The following NDEL1 variants were observed in gnomAD, a reference collection of about 807,000 sequenced individuals.
The protein encoded by NDEL1 is nuclear distribution protein nudE-like 1.
A neutral mutation model predicts 45.7 loss-of-function variants in NDEL1; 9 were observed. The ratio of observed to expected loss-of-function variants is 0.20; its 90% CI spans 0.12 to 0.34. The LOEUF is 0.34. Among genes scored for constraint, NDEL1 ranks in the 10% least tolerant of loss-of-function variants. The pLI is 1.00. For missense variants in NDEL1, 306 were observed against 406.2 expected (o/e 0.75, Z 2.12); for synonymous variants, 133 against 158.6 (o/e 0.84, Z 1.21).
At chr17:8,441,876 G>T (rs563822319) in intron 1 of NDEL1, among the ~76,000 whole-genome samples, 3 of 152,204 alleles carry the variant, frequency 2.0e-5, no homozygotes, top group Admixed American at 6.5e-5. Context: ...GTCTCAGGAA[G>T]TGTGTAGGAG....
chr17:8,461,738 GTCT>G (rs1449955026), intron 8 of NDEL1, among the ~76,000 whole-genome samples: 1 of 152,148 alleles, frequency 6.6e-6, no homozygotes, highest in Non-Finnish European at 1.5e-5. Context: ...TTTTAGGGTA[GTCT>G]TCATAAATGT....
At position 8,462,447 on chromosome 17, in the gene NDEL1, C is replaced by T. The variant is rs16957303; in HGVS notation, c.944+2287C>T. Among the ~76,000 whole-genome samples, 1,371 of 152,252 alleles carry T rather than the reference C, an allele frequency of 9.0e-3. 18 individuals carry two copies. The highest frequency in any genetic ancestry group is 0.031 in the African/African-American group (1,300 of 41,546). ...CTTTCTTGCCGCTTTGCTTCGATTC[C>T]GGCTTTTGGCCTGTCTGGCTTTTTA... On this transcript the variant is annotated intron_variant, in intron 8 of 8. Coordinates refer to ENST00000334527, the MANE Select transcript of NDEL1 (RefSeq NM_030808.5).
rs544308896 is a variant in NDEL1, at chr17:8,438,864, A to G, written c.-13+2819A>G. On this transcript the variant is annotated intron_variant, in intron 1 of 8. Coordinates refer to ENST00000334527, the MANE Select transcript of NDEL1 (RefSeq NM_030808.5). ...AAATCTGATGGGTAAAAGTAGGGCA[A>G]TAGAGCTGGATAATACCAGTTAGGA... Among the ~76,000 whole-genome samples, 289 of 151,992 alleles carry G rather than the reference A, an allele frequency of 1.9e-3. 1 individual carries two copies. The highest frequency in any genetic ancestry group is 6.7e-3 in the African/African-American group (278 of 41,434).
chr17:8,414,835 A>G (rs1326515074), intron 1 of NDEL1, among the ~76,000 whole-genome samples: 1 of 151,692 alleles, frequency 6.6e-6, no homozygotes, highest in African/African-American at 2.4e-5. Flanking sequence ...TAGTTTTTAG[A>G]TACATATCAC....
chr17:8,428,349 TGTGTGTG>T lies in NDEL1; in HGVS notation c.-13+15081_-13+15087del, dbSNP rs1567721202. ...GTGTGTGTGTGTGTGTGTGTGTGTGTGTGTGTGTGTGTATTTTTTTTTTTTTTTTTTC... is the reference window on the plus strand; with the variant it reads ...GTGTGTGTGTGTGTGTGTGTGTGTGTTGTGTATTTTTTTTTTTTTTTTTTC... On this transcript the variant is annotated intron_variant, in intron 1 of 4. Coordinates refer to the NDEL1 transcript ENST00000582812. Among the ~76,000 whole-genome samples, 2 of 135,130 alleles carry T rather than the reference TGTGTGTG, an allele frequency of 1.5e-5. 1 individual carries two copies. Among genetic ancestry groups the T allele is most frequent in the Non-Finnish European group, 3.2e-5 (2 of 62,572 alleles). The allele number at this position is 135,130 out of a possible 152,430, so 88.7% of individuals were successfully genotyped here. A position where few individuals can be genotyped will look rare whatever the true frequency, so the allele number is the denominator to read the frequency against.
chr17:8,445,976 C>A, intron 3 of NDEL1, 112 bp downstream of exon 3: 4 of 1,100,028 alleles, frequency 3.6e-6, no homozygotes, highest in Non-Finnish European at 4.9e-6. Flanking sequence ...TTGAAAAAAA[C>A]GCTTAAAGTG....
chr17:8,465,453 A>T lies in NDEL1; in HGVS notation c.945-1477A>T, dbSNP rs969608292. ...TTCTCCTGGGGCTCTTGGTCTCTGT[A>T]TGCGTGGTTGGAATTTAAACTCCAC... On this transcript the variant is annotated intron_variant, in intron 8 of 8. Coordinates refer to ENST00000334527, the MANE Select transcript of NDEL1 (RefSeq NM_030808.5). The surrounding 1 kb of genome is among the most constrained non-coding windows in gnomAD (Gnocchi z 4.9). 3.3e-5 allele frequency: 5 copies of T among 152,168 alleles called. No individual in the cohort carries two copies. Among genetic ancestry groups the T allele is most frequent in the African/African-American group, 9.7e-5 (4 of 41,418 alleles). The allele number at this position is 152,168 out of a possible 1,614,324, so 9.4% of individuals were successfully genotyped here.
chr17:8,446,311 C>T (rs1910074297), intron 3 of NDEL1, among the ~76,000 whole-genome samples: 1 of 152,148 alleles, frequency 6.6e-6, no homozygotes, highest in Non-Finnish European at 1.5e-5. Flanking sequence ...AAAGGATTCA[C>T]CCCTTTCTCT....
chr17:8,421,542 G>A (rs1908707791), intron 1 of NDEL1, among the ~76,000 whole-genome samples: 1 of 152,202 alleles, frequency 6.6e-6, no homozygotes, highest in African/African-American at 2.4e-5. Context: ...CTCTCTCCGA[G>A]CTTTCAGGAG....
At chr17:8,457,409 T>TCCC (rs1258579464) in intron 7 of NDEL1, among the ~76,000 whole-genome samples, 1,705 of 152,358 alleles carry the variant, frequency 0.011, 30 homozygotes, top group African/African-American at 0.039. Flanking sequence ...GAAAGTTTAA[T>TCCC]TTGGCATCCT....
At chr17:8,466,618 T>C (rs1367758000) in intron 8 of NDEL1, 2 of 311,112 alleles carry the variant, frequency 6.4e-6, no homozygotes, top group African/African-American at 2.2e-5. Flanking sequence ...CCATTATTTA[T>C]TTAACTAGTT....
chr17:8,415,800 T>C (rs1018329202), intron 1 of NDEL1, among the ~76,000 whole-genome samples: 3 of 151,920 alleles, frequency 2.0e-5, no homozygotes, highest in Admixed American at 6.6e-5. Flanking sequence ...CAGGCTGGAG[T>C]GTGATGGCGC....
At chr17:8,463,446 CAT>C (rs1195963942) in intron 8 of NDEL1, 107 of 1,263,618 alleles carry the variant, frequency 8.5e-5, no homozygotes, top group Non-Finnish European at 1.2e-4. Flanking sequence ...TTACTAACTG[CAT>C]GGGGCTGACT....
downstream of NDEL1, among the ~76,000 whole-genome samples, chr17:8,472,606 T>C (rs1239622885): frequency 6.6e-6 from 1 of 151,874 alleles, no homozygotes; most frequent in Non-Finnish European, 1.5e-5. Flanking sequence ...GAGGGTGAAG[T>C]GAGCTGAGAG....
chr17:8,460,075 A>G lies in NDEL1; in HGVS notation c.859A>G (p.Ile287Val), dbSNP rs760627489. Residue 287 changes from isoleucine (I) to valine (V), a missense_variant, in exon 8 of 9, where the codon ATT (isoleucine) becomes GTT (valine). Physicochemically the swap from Ile to Val is conservative, Grantham distance 29. This residue lies in a region of NDEL1 where 175 missense variants were observed against 205.2 expected (regional missense o/e 0.85). Coordinates refer to ENST00000334527, the MANE Select transcript of NDEL1 (RefSeq NM_030808.5). ...GGACCAAGCATCACGAAAATCCTATATTTCAGGGAATGTTAACTGTGGGGT... is the reference window on the plus strand; with the variant it reads ...GGACCAAGCATCACGAAAATCCTATGTTTCAGGGAATGTTAACTGTGGGGT... ...AKDQASRKSYISGNVNCGVLN... is the reference protein window; with the variant it reads ...AKDQASRKSYVSGNVNCGVLN... The G allele has an allele frequency of 1.6e-5, 26 of 1,614,046 alleles. No individual in the cohort carries two copies. Among genetic ancestry groups the G allele is most frequent in the Non-Finnish European group, 2.1e-5 (25 of 1,180,040 alleles).
At chr17:8,428,036 G>A (rs1908883292) in intron 1 of NDEL1, among the ~76,000 whole-genome samples, 2 of 152,136 alleles carry the variant, frequency 1.3e-5, no homozygotes, top group Non-Finnish European at 2.9e-5. Context: ...TTTCACTCAG[G>A]GAGCAGCCCT....
At chr17:8,425,111 T>C (rs148288530) in intron 1 of NDEL1, among the ~76,000 whole-genome samples, 1 of 152,384 alleles carries the variant, frequency 6.6e-6, no homozygotes, top group East Asian at 1.9e-4. Flanking sequence ...GAATCTCTTA[T>C]ACCTGTTGGA....
chr17:8,437,672 A>G (rs1909439189), intron 1 of NDEL1, among the ~76,000 whole-genome samples: 1 of 152,242 alleles, frequency 6.6e-6, no homozygotes, highest in Non-Finnish European at 1.5e-5. Context: ...TATTGCCAAC[A>G]GTGAGTTCTG....
chr17:8,463,798 A>G lies in NDEL1; in HGVS notation c.945-3132A>G, dbSNP rs560455428. On this transcript the variant is annotated intron_variant, in intron 8 of 8. Coordinates refer to ENST00000334527, the MANE Select transcript of NDEL1 (RefSeq NM_030808.5). ...CCCTCACCTCTGCGCTCACGCATGG[A>G]GTCCCCAGTTAAAATGGAATGGTAC... 1.2e-4 allele frequency among the ~76,000 whole-genome samples: 18 copies of G among 152,342 alleles called. No individual in the cohort carries two copies. In the South Asian group the frequency reaches 3.5e-3, roughly 30 times the overall value.
Sources: gnomAD v4.1 joint callset for allele counts (sites outside exome capture counted in the v4.1 genomes callset) on GRCh38, gnomAD v4.1.1 for gene constraint, gnomAD v4.1.1 regional missense constraint, Gnocchi (gnomAD v3.1) non-coding constraint, MANE v1.5 for transcripts, NCBI Gene and HGNC (gene_info 2026-07-23, HGNC 2026-07-21) for gene names.